ECT2: variants seen among roughly 807,000 people sequenced by gnomAD.
The protein encoded by ECT2 is protein ECT2.
In ECT2, 61 loss-of-function variants were observed where a neutral mutation model predicts 116.9. The ratio of observed to expected loss-of-function variants is 0.52; its 90% CI spans 0.42 to 0.65. ECT2 has a LOEUF of 0.65. ECT2 is among the 30% of genes least tolerant of loss of function. ECT2 has a pLI of 0.00. For missense variants in ECT2, 937 were observed against 1,078.7 expected (o/e 0.87, Z 1.84); for synonymous variants, 358 against 346.4 (o/e 1.03, Z -0.37).
In ECT2 at chr3:172,764,286, T is replaced by A. The variant is rs1449991627; in HGVS notation, c.1077T>A (p.Thr359=). 6.2e-7 allele frequency: 1 copy of A among 1,613,900 alleles called. No homozygotes were observed. The highest frequency in any genetic ancestry group is 8.5e-7 in the Non-Finnish European group (1 of 1,179,886). The change falls in exon 12 of 25, where the codon ACT becomes ACA. Residue 359 remains threonine, a synonymous_variant. Coordinates refer to ENST00000392692, the MANE Select transcript of ECT2 (RefSeq NM_001258315.2). ...TGTGCTTTTGATTACAGGCAAATACTCCTGAGCTCAAGAAATCAGTGTCAA... is the reference window on the plus strand; with the variant it reads ...TGTGCTTTTGATTACAGGCAAATACACCTGAGCTCAAGAAATCAGTGTCAA... ...ETMYLYEKAN[T]PELKKSVSML...
chr3:172,780,312 T>G (rs1722468615), intron 14 of ECT2, among the ~76,000 whole-genome samples: 1 of 152,184 alleles, frequency 6.6e-6, no homozygotes, highest in Non-Finnish European at 1.5e-5. Flanking sequence ...AATATTCCAT[T>G]ATATGGCTAT....
chr3:172,758,596 G>A (rs1399077388), intron 5 of ECT2, among the ~76,000 whole-genome samples: 1 of 152,016 alleles, frequency 6.6e-6, no homozygotes, highest in East Asian at 1.9e-4. Context: ...TTTACTCAGT[G>A]TTTATTATAA....
chr3:172,783,705 A>G (rs1019642365), intron 15 of ECT2, 94 bp from the exon 16 acceptor site: 17 of 774,424 alleles, frequency 2.2e-5, no homozygotes, highest in Non-Finnish European at 3.5e-5. Context: ...CCACTATGTC[A>G]GATTGTGACT....
chr3:172,786,456 A>G, intron 17 of ECT2, 37 bp from the exon 18 acceptor site: 1 of 1,422,416 alleles, frequency 7.0e-7, no homozygotes, highest in Non-Finnish European at 9.8e-7. Flanking sequence ...AAATCACTGA[A>G]TTTTTTATGC....
In ECT2 at chr3:172,761,621, T is replaced by C. The variant is rs199796717; in HGVS notation, c.696T>C (p.Ser232=). The stretch of plus-strand genomic sequence containing the variant: ...GTTTATATTTTTAGGTTGCTGTGAG[T>C]CTAGGTACTCCAATTATGAAGCCAG... ...TQGEKFRVAV[S]LGTPIMKPEW... Residue 232 remains serine, a synonymous_variant, in exon 8 of 25, where the codon AGT becomes AGC. Transcript: ENST00000392692. The C allele has an allele frequency of 6.2e-7, 1 of 1,609,810 alleles. No individual in the cohort carries two copies. The highest frequency in any genetic ancestry group is 2.2e-5 in the East Asian group (1 of 44,680).
intron 22 of ECT2, among the ~76,000 whole-genome samples, chr3:172,808,483 A>G (rs774299536): frequency 1.3e-5 from 2 of 152,214 alleles, no homozygotes; most frequent in Non-Finnish European, 2.9e-5. Flanking sequence ...ATATATAATT[A>G]TCATTATACT....
chr3:172,797,188 C>G (rs1311846510), intron 18 of ECT2, among the ~76,000 whole-genome samples: 1 of 145,662 alleles, frequency 6.9e-6, no homozygotes, highest in Non-Finnish European at 1.5e-5. Flanking sequence ...CACCACCGTG[C>G]CTAGCTAATT....
the ECT2 span, among the ~76,000 whole-genome samples, chr3:172,826,943 A>G: frequency 6.6e-6 from 1 of 152,268 alleles, no homozygotes; most frequent in African/African-American, 2.4e-5. Flanking sequence ...AAGTAATTCA[A>G]TAGGAAAAAA....
At chr3:172,759,441 AT>A (rs572452484) in intron 6 of ECT2, among the ~76,000 whole-genome samples, 187 of 151,930 alleles carry the variant, frequency 1.2e-3, no homozygotes, top group African/African-American at 4.3e-3. Context: ...TTCCTTTTTT[AT>A]TTTTATTTTA....
chr3:172,795,794 C>T (rs1024737151), intron 18 of ECT2, among the ~76,000 whole-genome samples: 5 of 151,988 alleles, frequency 3.3e-5, no homozygotes, highest in African/African-American at 1.2e-4. Flanking sequence ...TCATTAAATG[C>T]CTGAGTCATA....
chr3:172,817,833 A>G (rs1168393524), intron 24 of ECT2, among the ~76,000 whole-genome samples: 2 of 151,990 alleles, frequency 1.3e-5, no homozygotes, highest in Non-Finnish European at 2.9e-5. Context: ...TTTGCAGATG[A>G]TGTTATATAC....
At chr3:172,819,553 C>T (rs1577059625) in intron 24 of ECT2, among the ~76,000 whole-genome samples, 1 of 151,746 alleles carries the variant, frequency 6.6e-6, no homozygotes, top group East Asian at 1.9e-4. Context: ...GCTAAGTTGC[C>T]CAGTCTGGTC....
intron 12 of ECT2, among the ~76,000 whole-genome samples, chr3:172,767,463 C>T (rs1187060716): frequency 2.6e-5 from 4 of 152,024 alleles, no homozygotes; most frequent in Non-Finnish European, 5.9e-5. Context: ...CTCAGAACTC[C>T]ATAGTACATA....
At chr3:172,786,708 G>A in intron 18 of ECT2, 134 bp downstream of exon 18, 1 of 598,626 alleles carries the variant, frequency 1.7e-6, no homozygotes, top group Non-Finnish European at 3.0e-6. Flanking sequence ...TAATAGTGTA[G>A]TTACACATTA....
intron 14 of ECT2, among the ~76,000 whole-genome samples, chr3:172,778,303 A>G (rs192964868): frequency 7.7e-4 from 117 of 152,312 alleles, no homozygotes; most frequent in Admixed American, 1.8e-3. Flanking sequence ...GATGTATTAT[A>G]GACAAGGAGG....
At chr3:172,778,649 G>A (rs767191976) in intron 14 of ECT2, among the ~76,000 whole-genome samples, 1 of 131,304 alleles carries the variant, frequency 7.6e-6, no homozygotes. Flanking sequence ...AGGCTGGAGT[G>A]CAATTGCACA....
chr3:172,782,067 A>C, intron 14 of ECT2, 96 bp from the exon 15 acceptor site: 1 of 593,804 alleles, frequency 1.7e-6, no homozygotes, highest in Non-Finnish European at 2.8e-6. Context: ...GACACTTTGT[A>C]AAGTGCTTCT....
At chr3:172,798,238 T>C (rs1433618600) in intron 18 of ECT2, among the ~76,000 whole-genome samples, 2 of 152,214 alleles carry the variant, frequency 1.3e-5, no homozygotes, top group Non-Finnish European at 2.9e-5. Flanking sequence ...AAATCTGTTA[T>C]TATAATTTTG....
At position 172,754,507 on chromosome 3, in the gene ECT2, A is replaced by G; in HGVS notation, c.-22-2A>G. ...ATTTTTATTCAAATTTTATTTTTTCAGCTGATTTAGAAGAATACAAATCAT... is the reference window on the plus strand; with the variant it reads ...ATTTTTATTCAAATTTTATTTTTTCGGCTGATTTAGAAGAATACAAATCAT... On this transcript the variant is annotated splice_acceptor_variant, in intron 1 of 24. Transcript: ENST00000392692. LOFTEE classifies it low-confidence loss of function (5UTR_SPLICE). 2 of 1,556,778 alleles carry G rather than the reference A, an allele frequency of 1.3e-6. No individual in the cohort carries two copies. Among genetic ancestry groups the G allele is most frequent in the African/African-American group, 1.4e-5 (1 of 72,010 alleles).
Sources: allele counts gnomAD v4.1 joint callset (sites outside exome capture counted in the v4.1 genomes callset), GRCh38; gene constraint gnomAD v4.1.1; transcripts MANE v1.5; gene names NCBI Gene and HGNC (gene_info 2026-07-23, HGNC 2026-07-21).